The following CDK5RAP1 variants were observed in gnomAD, a reference collection of about 807,000 sequenced individuals.
CDK5RAP1 encodes mitochondrial tRNA methylthiotransferase CDK5RAP1.
Under a neutral mutation model 64.5 loss-of-function variants are expected in CDK5RAP1, and 62 were observed. The ratio of observed to expected loss-of-function variants is 0.96; its 90% CI spans 0.78 to 1.19. The LOEUF is 1.19. Among genes scored for constraint, CDK5RAP1 ranks in the 50% most tolerant of loss-of-function variants. CDK5RAP1 has a pLI of 0.00. For synonymous variants in CDK5RAP1, 250 were observed against 261.9 expected, an observed-to-expected ratio of 0.95 and a Z score of 0.44; for missense variants, 657 against 735.0, an observed-to-expected ratio of 0.89 and a Z score of 1.23.
intron 12 of CDK5RAP1, among the ~76,000 whole-genome samples, chr20:33,363,250 CCTAGA>C (rs781766525): frequency 2.0e-5 from 3 of 152,094 alleles, no homozygotes; most frequent in Admixed American, 6.6e-5. Context: ...GACGAACCAT[CCTAGA>C]CTAAAGGAGA....
chr20:33,378,289 G>A (rs772356138), intron 8 of CDK5RAP1, among the ~76,000 whole-genome samples: 7 of 152,160 alleles, frequency 4.6e-5, no homozygotes, highest in Admixed American at 2.0e-4. Flanking sequence ...AGAGATGGGG[G>A]AATGGCCGTC....
intron 5 of CDK5RAP1, among the ~76,000 whole-genome samples, chr20:33,390,274 CAAA>C (rs113894811): frequency 1.4e-5 from 2 of 142,796 alleles, no homozygotes; most frequent in Non-Finnish European, 1.5e-5. Flanking sequence ...ACCCTGTCAC[CAAA>C]AAAAAAAAAA....
intron 5 of CDK5RAP1, among the ~76,000 whole-genome samples, chr20:33,391,189 G>A (rs1988265503): frequency 6.6e-6 from 1 of 151,140 alleles, no homozygotes; most frequent in South Asian, 2.1e-4. Context: ...AGGAGTTGGA[G>A]GCTGCAGTGA....
intron 11 of CDK5RAP1, among the ~76,000 whole-genome samples, chr20:33,369,685 G>A (rs1051420338): frequency 5.3e-5 from 8 of 152,164 alleles, no homozygotes; most frequent in African/African-American, 1.7e-4. Flanking sequence ...AGAGAGCGTG[G>A]TGAAAGGACT....
intron 12 of CDK5RAP1, among the ~76,000 whole-genome samples, chr20:33,362,533 G>A (rs1185952618): frequency 1.3e-5 from 2 of 152,202 alleles, no homozygotes; most frequent in Non-Finnish European, 2.9e-5. Flanking sequence ...CAGTGGAAAC[G>A]TGAACGTACA....
intron 4 of CDK5RAP1, 61 bp from the exon 5 acceptor site, chr20:33,392,303 G>A: frequency 1.0e-6 from 1 of 991,956 alleles, no homozygotes; most frequent in South Asian, 1.6e-5. Flanking sequence ...ATCTAAGAGA[G>A]TAGGTCAGTG....
chr20:33,368,433 C>T (rs1237518481), intron 11 of CDK5RAP1, among the ~76,000 whole-genome samples: 2 of 145,380 alleles, frequency 1.4e-5, no homozygotes, highest in Non-Finnish European at 3.0e-5. Flanking sequence ...GCTGGGATCA[C>T]AGGCATGTGC....
At chr20:33,385,429 G>C (rs1323105623) in intron 7 of CDK5RAP1, among the ~76,000 whole-genome samples, 4 of 152,164 alleles carry the variant, frequency 2.6e-5, no homozygotes, top group African/African-American at 9.7e-5. Context: ...TCCATCACCT[G>C]ACTGTAATCT....
intron 7 of CDK5RAP1, among the ~76,000 whole-genome samples, chr20:33,384,076 T>A (rs1002164554): frequency 5.9e-5 from 9 of 152,098 alleles, no homozygotes; most frequent in African/African-American, 2.2e-4. Flanking sequence ...AGACTTCCAA[T>A]AGATAACCAT....
At chr20:33,363,484 T>C (rs896074516) in intron 12 of CDK5RAP1, among the ~76,000 whole-genome samples, 1 of 152,130 alleles carries the variant, frequency 6.6e-6, no homozygotes. Flanking sequence ...ATTTGGGGGT[T>C]TGGGGACATC....
chr20:33,383,799 C>A (rs1326791599), intron 7 of CDK5RAP1, among the ~76,000 whole-genome samples: 1 of 119,678 alleles, frequency 8.4e-6, no homozygotes, highest in African/African-American at 2.9e-5. Flanking sequence ...GTAATCCCAG[C>A]TACTCAGGAG....
intron 5 of CDK5RAP1, among the ~76,000 whole-genome samples, chr20:33,389,416 C>T (rs4911333): frequency 0.021 from 3,227 of 150,220 alleles, 232 homozygotes; most frequent in Admixed American, 0.14. Context: ...AGTGAGGAGC[C>T]CCTCCGCCCG....
chr20:33,391,942 C>T (rs1170881868), intron 5 of CDK5RAP1, among the ~76,000 whole-genome samples, 200 bp downstream of exon 5: 2 of 152,214 alleles, frequency 1.3e-5, no homozygotes, highest in East Asian at 3.8e-4. Context: ...GCACCTATTA[C>T]TTCAAGGAAC....
chr20:33,373,860 T>C, intron 9 of CDK5RAP1: 1 of 493,382 alleles, frequency 2.0e-6, no homozygotes, highest in South Asian at 2.9e-5. Flanking sequence ...ATACTTACTG[T>C]CACACAGTGG....
At position 33,389,539 on chromosome 20, in the gene CDK5RAP1, G is replaced by T. The variant is rs575858260; in HGVS notation, c.545-2006C>A. ...CAGCCGACCCGTCAGGGAGGGAGGT[G>T]GGGGGGTCAGCCCCCGCCCGGCCAG... On this transcript the variant is annotated intron_variant, in intron 5 of 13. Coordinates refer to ENST00000346416, the MANE Select transcript of CDK5RAP1 (RefSeq NM_016408.4). Among the ~76,000 whole-genome samples the T allele has an allele frequency of 3.3e-5, 5 of 150,640 alleles. No individual in the cohort carries two copies. In the South Asian group the frequency reaches 6.3e-4, roughly 19 times the overall value.
chr20:33,379,333 G>A (rs917623711), intron 8 of CDK5RAP1, 128 bp downstream of exon 8: 10 of 651,972 alleles, frequency 1.5e-5, no homozygotes, highest in Middle Eastern at 8.1e-4. Flanking sequence ...GATCTGGAGG[G>A]TGATGCAGCA....
chr20:33,394,702 A>G (rs1378585703), intron 3 of CDK5RAP1, among the ~76,000 whole-genome samples: 2 of 152,122 alleles, frequency 1.3e-5, no homozygotes, highest in African/African-American at 2.4e-5. Flanking sequence ...CTGCAATTTC[A>G]TAACTACGCA....
Position 33,395,038 on chromosome 20 carries a change from T to C in CDK5RAP1, c.383A>G (p.Tyr128Cys), listed in dbSNP as rs1460448711. The C allele has an allele frequency of 1.2e-6, 2 of 1,610,316 alleles. No homozygotes were observed. The highest frequency in any genetic ancestry group is 1.7e-6 in the Non-Finnish European group (2 of 1,176,534). Residue 128 changes from tyrosine (Y) to cysteine (C), a missense_variant, in exon 3 of 14, where the codon TAC (tyrosine) becomes TGC (cysteine). Physicochemically the swap from Tyr to Cys is radical, Grantham distance 194. Transcript: ENST00000346416. Reference sequence around the variant, plus strand: ...CTCTTGGAGGTTACTGGTCCGCAGGTAGCCACTCTTCTGTAAGATGGACCA... The same window carrying C: ...CTCTTGGAGGTTACTGGTCCGCAGGCAGCCACTCTTCTGTAAGATGGACCA... ...IAWSILQKSGYLRTSNLQEAD... is the reference protein window; with the variant it reads ...IAWSILQKSGCLRTSNLQEAD...
chr20:33,371,811 T>C (rs1985061572), intron 10 of CDK5RAP1, among the ~76,000 whole-genome samples: 1 of 152,062 alleles, frequency 6.6e-6, no homozygotes, highest in African/African-American at 2.4e-5. Flanking sequence ...ATTAGAAATT[T>C]GAGGAAAAAT....
Sources: allele counts gnomAD v4.1 joint callset (sites outside exome capture counted in the v4.1 genomes callset), GRCh38; gene constraint gnomAD v4.1.1; transcripts MANE v1.5; gene names NCBI Gene and HGNC (gene_info 2026-07-23, HGNC 2026-07-21).